ITGBL1: variants seen among roughly 807,000 people sequenced by gnomAD.
ITGBL1 encodes integrin beta-like protein 1.
A neutral mutation model predicts 68.5 loss-of-function variants in ITGBL1; 51 were observed. The observed-to-expected ratio is 0.74, with a 90% CI of 0.59 to 0.94. The LOEUF is 0.94. Among genes scored for constraint, ITGBL1 ranks in the 40% least tolerant of loss-of-function variants. The pLI is 0.00. For synonymous variants in ITGBL1, 209 were observed against 227.3 expected (o/e 0.92, Z 0.72); for missense variants, 649 against 647.4 (o/e 1.00, Z -0.03).
At chr13:101,644,782 C>A (rs1293121507) in intron 7 of ITGBL1, among the ~76,000 whole-genome samples, 1 of 151,870 alleles carries the variant, frequency 6.6e-6, no homozygotes, top group South Asian at 2.1e-4. Flanking sequence ...TGTGAATAAG[C>A]AATTGACAAA....
chr13:101,487,119 G>A (rs2048712578), intron 2 of ITGBL1, among the ~76,000 whole-genome samples: 1 of 152,002 alleles, frequency 6.6e-6, no homozygotes. Flanking sequence ...ATCTTTGTTA[G>A]GTATAAATGT....
intron 6 of ITGBL1, among the ~76,000 whole-genome samples, chr13:101,596,113 G>C (rs1165467924): frequency 6.6e-6 from 1 of 151,944 alleles, no homozygotes; most frequent in Non-Finnish European, 1.5e-5. Context: ...CGTCCTTTAA[G>C]AAGGAAATCC....
At position 101,567,842 on chromosome 13, in the gene ITGBL1, G is replaced by T. The variant is rs1140605; in HGVS notation, c.460G>T (p.Ala154Ser). 0.058 allele frequency: 93,045 copies of T among 1,612,092 alleles called. 3,785 individuals carry two copies. Among genetic ancestry groups the T allele is most frequent in the African/African-American group, 0.19 (14,249 of 74,850 alleles). Reference sequence around the variant, plus strand: ...TTCACAAGACATCATCTGCTCTAATGCAGGTAAGAAGTATACCCTGTGAAA... The same window carrying T: ...TTCACAAGACATCATCTGCTCTAATTCAGGTAAGAAGTATACCCTGTGAAA... Reference protein sequence around the residue: ...KNSQDIICSNAGTCHCGRCKC... With the variant: ...KNSQDIICSNSGTCHCGRCKC... Residue 154 changes from alanine to serine, a missense_variant, in exon 3 of 11, where the codon GCA (alanine) becomes TCA (serine). By Grantham distance (99) the Ala-to-Ser change is moderately conservative (BLOSUM62 1). Transcript: ENST00000376180.
chr13:101,523,312 T>C (rs1051742615), intron 2 of ITGBL1, among the ~76,000 whole-genome samples: 2 of 152,200 alleles, frequency 1.3e-5, no homozygotes, highest in Non-Finnish European at 2.9e-5. Flanking sequence ...TTTTCATTTT[T>C]CCCATGACTT....
At chr13:101,556,206 G>T (rs1452716083) in intron 2 of ITGBL1, among the ~76,000 whole-genome samples, 11 of 152,148 alleles carry the variant, frequency 7.2e-5, no homozygotes, top group African/African-American at 2.4e-4. Context: ...CCCAAAAGAT[G>T]TGTTGAAGTT....
chr13:101,526,169 T>TTTA (rs1272257145), intron 2 of ITGBL1, among the ~76,000 whole-genome samples: 1 of 150,944 alleles, frequency 6.6e-6, no homozygotes, highest in East Asian at 1.9e-4. Context: ...TTTTTTTTTT[T>TTTA]AAATACTTTA....
At chr13:101,688,525 T>C (rs2033808446) in intron 7 of ITGBL1, among the ~76,000 whole-genome samples, 1 of 152,196 alleles carries the variant, frequency 6.6e-6, no homozygotes, top group African/African-American at 2.4e-5. Flanking sequence ...AGTTGGACCA[T>C]GTGTGGAAAA....
chr13:101,461,442 C>G (rs1213864869), intron 2 of ITGBL1, among the ~76,000 whole-genome samples: 1 of 152,204 alleles, frequency 6.6e-6, no homozygotes, highest in African/African-American at 2.4e-5. Flanking sequence ...GCCTGTAATC[C>G]TAGCACTTTG....
chr13:101,585,839 A>G (rs112578574), intron 6 of ITGBL1, among the ~76,000 whole-genome samples: 239 of 152,284 alleles, frequency 1.6e-3, no homozygotes, highest in African/African-American at 5.3e-3. Context: ...TAAGTGTGTG[A>G]CTTGCTGATA....
chr13:101,599,005 T>A (rs1003424647), intron 7 of ITGBL1, among the ~76,000 whole-genome samples: 1 of 152,162 alleles, frequency 6.6e-6, no homozygotes, highest in Non-Finnish European at 1.5e-5. Flanking sequence ...CCTGAGGAAT[T>A]GTCACACCGA....
chr13:101,553,547 C>T (rs946341056), intron 2 of ITGBL1, among the ~76,000 whole-genome samples: 3 of 152,198 alleles, frequency 2.0e-5, no homozygotes, highest in Non-Finnish European at 2.9e-5. Context: ...GTGCCACAAA[C>T]GGGATGGTTT....
At position 101,705,982 on chromosome 13, in the gene ITGBL1, A is replaced by AT. The variant is rs745800481; in HGVS notation, c.1133-773dup. On this transcript the variant is annotated intron_variant, in intron 8 of 10. Coordinates refer to ENST00000376180, the MANE Select transcript of ITGBL1 (RefSeq NM_004791.3). Reference sequence around the variant, plus strand: ...GGTAATGCACATATCAGGAAAAGGAATAAAGGGTCGAGCGGAAACTGAAAT... The same window carrying AT: ...GGTAATGCACATATCAGGAAAAGGAATTAAAGGGTCGAGCGGAAACTGAAAT... Among the ~76,000 whole-genome samples, 12 of 152,240 alleles carry AT rather than the reference A, an allele frequency of 7.9e-5. No individual in the cohort carries two copies. The East Asian group carries it at 1.3e-3, about 17-fold the overall frequency.
chr13:101,496,963 G>A (rs867955012), intron 2 of ITGBL1, among the ~76,000 whole-genome samples: 6 of 152,182 alleles, frequency 3.9e-5, no homozygotes, highest in African/African-American at 1.4e-4. Context: ...TGTAGTATCA[G>A]GCATGTAGAT....
chr13:101,701,232 T>C (rs2034129199), intron 8 of ITGBL1, among the ~76,000 whole-genome samples: 1 of 152,206 alleles, frequency 6.6e-6, no homozygotes, highest in South Asian at 2.1e-4. Flanking sequence ...TATAATAGAT[T>C]AGCTAATAAT....
At chr13:101,687,215 C>T (rs1021065531) in intron 7 of ITGBL1, among the ~76,000 whole-genome samples, 1 of 151,872 alleles carries the variant, frequency 6.6e-6, no homozygotes, top group African/African-American at 2.4e-5. Flanking sequence ...ACAGTGTACT[C>T]CCATATCTAA....
chr13:101,512,525 G>T (rs1161403489), intron 2 of ITGBL1, among the ~76,000 whole-genome samples: 2 of 152,150 alleles, frequency 1.3e-5, no homozygotes, highest in African/African-American at 4.8e-5. Flanking sequence ...TGGACATGAA[G>T]CTTTTCATCG....
intron 2 of ITGBL1, among the ~76,000 whole-genome samples, chr13:101,460,341 CAT>C (rs1221117715): frequency 6.6e-6 from 1 of 152,182 alleles, no homozygotes; most frequent in African/African-American, 2.4e-5. Flanking sequence ...GTATTTTCTT[CAT>C]AGTCTTCACA....
chr13:101,655,069 G>C (rs2032874800), intron 7 of ITGBL1, among the ~76,000 whole-genome samples: 1 of 152,186 alleles, frequency 6.6e-6, no homozygotes, highest in South Asian at 2.1e-4. Flanking sequence ...TTTCCTTTTG[G>C]TGGCGTGCAA....
rs2048750392 is a variant in ITGBL1 at position 101,489,821 on chromosome 13, C to G, written c.316+35721C>G. The G allele has an allele frequency of 5.0e-6, 3 of 596,266 alleles. No individual in the cohort carries two copies. The African/African-American group carries it at 5.6e-5, about 11-fold the overall frequency. 36.9% of individuals were successfully genotyped at this position (596,266 alleles called of 1,614,324 possible). ...TATCAGAGGATGCTGCGATACTGATCAAACTGATAAAATAGCATTCAGTTT... is the reference window on the plus strand; with the variant it reads ...TATCAGAGGATGCTGCGATACTGATGAAACTGATAAAATAGCATTCAGTTT... On this transcript the variant is annotated intron_variant, in intron 2 of 10. Coordinates refer to ENST00000376180, the MANE Select transcript of ITGBL1 (RefSeq NM_004791.3).
Sources: gnomAD v4.1 joint callset for allele counts (sites outside exome capture counted in the v4.1 genomes callset) on GRCh38, gnomAD v4.1.1 for gene constraint, MANE v1.5 for transcripts, NCBI Gene and HGNC (gene_info 2026-07-23, HGNC 2026-07-21) for gene names.